RYR2: variants seen among roughly 807,000 people sequenced by gnomAD.
RYR2 encodes the protein ryanodine receptor 2.
In RYR2, 227 loss-of-function variants were observed where a neutral mutation model predicts 601.1. The observed-to-expected ratio is 0.38, with a 90% CI of 0.34 to 0.42. The LOEUF (loss-of-function observed/expected upper bound fraction) is 0.42, where lower values mean the gene tolerates loss of function less well. Ranked by LOEUF, RYR2 falls within the 10% of genes least tolerant of loss-of-function variation. RYR2 has a pLI of 1.00. For synonymous variants in RYR2, 2,223 were observed against 2,175.1 expected (o/e 1.02, Z -0.61); for missense variants, 4,646 against 6,156.5 (o/e 0.75, Z 8.21).
intron 1 of RYR2, among the ~76,000 whole-genome samples, chr1:237,043,888 CAT>C (rs977624981): frequency 5.3e-5 from 8 of 152,300 alleles, no homozygotes; most frequent in African/African-American, 1.9e-4. Context: ...GGGTACTAAA[CAT>C]ATGAAAACAG....
intron 2 of RYR2, among the ~76,000 whole-genome samples, chr1:237,293,244 T>C (rs374897603): frequency 1.7e-3 from 254 of 152,334 alleles, no homozygotes; most frequent in African/African-American, 5.8e-3. Context: ...TCTCACTCTG[T>C]TGCCCATGAT....
At chr1:237,726,207 T>C in intron 74 of RYR2, 66 bp from the exon 75 acceptor site, 2 of 1,067,450 alleles carry the variant, frequency 1.9e-6, no homozygotes, top group Non-Finnish European at 1.4e-6. Context: ...TTTTGACTCT[T>C]TACTGCAAAG....
intron 24 of RYR2, among the ~76,000 whole-genome samples, chr1:237,513,484 T>G (rs1666115395): frequency 6.6e-6 from 1 of 152,162 alleles, no homozygotes; most frequent in Admixed American, 6.5e-5. Flanking sequence ...ATTCTAGAAT[T>G]TGGACTCGGG....
intron 42 of RYR2, among the ~76,000 whole-genome samples, chr1:237,632,389 C>CTTTTTTTTTT (rs11448751): frequency 1.6e-5 from 2 of 127,372 alleles, no homozygotes; most frequent in Non-Finnish European, 1.7e-5. Flanking sequence ...AAAGTGAATT[C>CTTTTTTTTTT]TTTTTTTTTT....
chr1:237,506,648 G>A lies in RYR2; in HGVS notation c.2614-62G>A, dbSNP rs1458779262. ...TTTAGTTCAATTTGCAGTGAAGACT[G>A]TTGGCACTGCATCTTATTGCATTTG... On this transcript the variant is annotated intron_variant, in intron 22 of 104. Coordinates refer to ENST00000366574, the MANE Select transcript of RYR2 (RefSeq NM_001035.3). 5 of 1,151,150 alleles carry A rather than the reference G, an allele frequency of 4.3e-6. No homozygotes were observed. In the East Asian group the frequency reaches 1.2e-4, roughly 28 times the overall value. 71.3% of individuals were successfully genotyped at this position (1,151,150 alleles called of 1,614,324 possible).
At chr1:237,452,685 CA>C (rs1311747562) in intron 14 of RYR2, among the ~76,000 whole-genome samples, 17 of 150,570 alleles carry the variant, frequency 1.1e-4, no homozygotes, top group Non-Finnish European at 2.4e-4. Context: ...CTTTAAATTA[CA>C]AAATGTAGCC....
intron 28 of RYR2, among the ~76,000 whole-genome samples, chr1:237,567,699 C>T (rs1381392368): frequency 7.4e-5 from 11 of 147,840 alleles, no homozygotes; most frequent in Admixed American, 6.8e-4. Flanking sequence ...TTAAAGTCTT[C>T]TTTTTTTTTT....
intron 1 of RYR2, among the ~76,000 whole-genome samples, chr1:237,233,148 C>G (rs1685171240): frequency 6.6e-6 from 1 of 152,174 alleles, no homozygotes; most frequent in African/African-American, 2.4e-5. Flanking sequence ...ACCACCTTCA[C>G]TTAGGCAGGG....
chr1:237,576,128 G>A (rs1021133914), intron 29 of RYR2, among the ~76,000 whole-genome samples: 1 of 152,076 alleles, frequency 6.6e-6, no homozygotes, highest in Non-Finnish European at 1.5e-5. Flanking sequence ...TAAATGAGAG[G>A]TGTGTTATGT....
At chr1:237,149,726 G>A (rs1490983797) in intron 1 of RYR2, among the ~76,000 whole-genome samples, 1 of 152,108 alleles carries the variant, frequency 6.6e-6, no homozygotes, top group East Asian at 1.9e-4. Context: ...AATTTCATTG[G>A]AACATTAAGA....
At chr1:237,736,456 C>T (rs1430068469) in intron 79 of RYR2, among the ~76,000 whole-genome samples, 3 of 70,876 alleles carry the variant, frequency 4.2e-5, no homozygotes, top group East Asian at 5.1e-4. Flanking sequence ...AGTGAGAGTC[C>T]GTTTCAAAAA....
At chr1:237,512,506 C>T (rs572385115) in intron 24 of RYR2, among the ~76,000 whole-genome samples, 3 of 152,298 alleles carry the variant, frequency 2.0e-5, no homozygotes, top group East Asian at 3.9e-4. Context: ...ACCATAGCAG[C>T]CTGTTTTCAG....
intron 1 of RYR2, among the ~76,000 whole-genome samples, chr1:237,099,106 G>GA (rs61415751): frequency 1.4e-4 from 21 of 149,952 alleles, no homozygotes; most frequent in African/African-American, 4.0e-4. Context: ...AGTGTGAACG[G>GA]AAAAAAAAAA....
In RYR2 at chr1:237,433,494, G is replaced by C. The variant is rs986755037; in HGVS notation, c.1006-7825G>C. Among the ~76,000 whole-genome samples, 3 of 150,846 alleles carry C rather than the reference G, an allele frequency of 2.0e-5. No individual in the cohort carries two copies. The South Asian group carries it at 6.4e-4, about 32-fold the overall frequency. On this transcript the variant is annotated intron_variant, in intron 12 of 104. Coordinates refer to ENST00000366574, the MANE Select transcript of RYR2 (RefSeq NM_001035.3). ...ACAATAAAAAGAGACCTTGATTAAA[G>C]ATGAAAATATATATATTTTTAAGAT...
rs192890834 is a variant in RYR2 at position 237,784,043 on chromosome 1, A to C, written c.12331A>C (p.Asn4111His). The C allele has an allele frequency of 6.0e-5, 97 of 1,614,054 alleles. 1 individual carries two copies. In the East Asian group the frequency reaches 2.1e-3, roughly 35 times the overall value. ...LLTNLSEHMP[N>H]DTRLQTFLEL... ...GACAAACCTCTCTGAGCACATGCCC[A>C]ACGATACCCGACTTCAGACTTTTCT... is the stretch of plus-strand genomic sequence containing the variant. Residue 4111 changes from asparagine to histidine, a missense_variant, in exon 90 of 105, where the codon AAC (asparagine) becomes CAC (histidine). This residue lies in a region of RYR2 where 70 missense variants were observed against 164.6 expected (regional missense o/e 0.43). Coordinates refer to ENST00000366574, the MANE Select transcript of RYR2 (RefSeq NM_001035.3). The surrounding 1 kb of genome is among the most constrained non-coding windows in gnomAD (Gnocchi z 7.1).
At chr1:237,536,821 G>A (rs1668685317) in intron 25 of RYR2, among the ~76,000 whole-genome samples, 1 of 151,250 alleles carries the variant, frequency 6.6e-6, no homozygotes, top group Non-Finnish European at 1.5e-5. Flanking sequence ...GGGAGGCGGA[G>A]CTTGCAGTGA....
intron 35 of RYR2, among the ~76,000 whole-genome samples, 155 bp downstream of exon 35, chr1:237,602,266 G>T (rs1015731041): frequency 2.0e-5 from 3 of 151,996 alleles, no homozygotes; most frequent in East Asian, 1.9e-4. Flanking sequence ...TCTCTTTCAG[G>T]TCACAAGGGT....
At chr1:237,726,232 T>C (rs749370285) in intron 74 of RYR2, 41 bp from the exon 75 acceptor site, 1 of 1,347,546 alleles carries the variant, frequency 7.4e-7, no homozygotes, top group Admixed American at 2.0e-5. Context: ...ATAAATGTAG[T>C]TTTACTTTTT....
At chr1:237,091,437 C>T (rs368474001) in intron 1 of RYR2, among the ~76,000 whole-genome samples, 25 of 100,466 alleles carry the variant, frequency 2.5e-4, no homozygotes, top group Non-Finnish European at 3.8e-4. Context: ...TTGGGGGGGG[C>T]GGGGGGGGAT....
Sources: allele counts gnomAD v4.1 joint callset (sites outside exome capture counted in the v4.1 genomes callset), GRCh38; gene constraint gnomAD v4.1.1; regional missense constraint gnomAD v4.1.1; non-coding constraint Gnocchi (gnomAD v3.1); transcripts MANE v1.5; gene names NCBI Gene and HGNC (gene_info 2026-07-23, HGNC 2026-07-21).